The following RHBDF1 variants were observed in gnomAD, a reference collection of about 807,000 sequenced individuals.
RHBDF1 encodes the protein inactive rhomboid protein 1.
Under a neutral mutation model 98.6 loss-of-function variants are expected in RHBDF1, and 80 were observed. The ratio of observed to expected loss-of-function variants is 0.81; its 90% CI spans 0.68 to 0.98. The LOEUF (loss-of-function observed/expected upper bound fraction) is 0.98, where lower values mean the gene tolerates loss of function less well. Ranked by LOEUF, RHBDF1 falls within the 50% of genes least tolerant of loss-of-function variation. RHBDF1 has a pLI of 0.00. For missense variants in RHBDF1, 1,116 were observed against 1,198.3 expected, an observed-to-expected ratio of 0.93 and a Z score of 1.01; for synonymous variants, 512 against 486.8, an observed-to-expected ratio of 1.05 and a Z score of -0.68.
At chr16:64,430 C>T (rs1048523141) in intron 3 of RHBDF1, 1 of 1,448,166 alleles carries the variant, frequency 6.9e-7, no homozygotes, top group African/African-American at 1.4e-5. Flanking sequence ...CCGAAGCGTA[C>T]TTGTCGGCTG....
rs532538588 is a variant in RHBDF1 at position 63,669 on chromosome 16, G to A, written c.380C>T (p.Pro127Leu). The A allele has an allele frequency of 4.0e-5, 64 of 1,612,322 alleles. No individual in the cohort carries two copies. In the South Asian group the frequency reaches 6.8e-4, roughly 17 times the overall value. Residue 127 changes from proline to leucine, a missense_variant, in exon 4 of 18, where the codon CCC (proline) becomes CTC (leucine). Transcript: ENST00000262316. ...GGTCAGCGACACGTTGTCCTGGCTGGGCAGGTCCAGCTCCCGGAGGACCTG... is the reference window on the plus strand; with the variant it reads ...GGTCAGCGACACGTTGTCCTGGCTGAGCAGGTCCAGCTCCCGGAGGACCTG... ...KPQVLRELDL[P>L]SQDNVSLTST...
At position 58,982 on chromosome 16, in the gene RHBDF1, G is replaced by T; in HGVS notation, c.2140C>A (p.Arg714=). ...CTGAGGGCCAGCCTTACCTCTGCTC[G>T]GTATGGCAGGAAGATGGCACTGGCC... The part of the protein sequence containing the change: ...NLASAIFLPY[R]AEVGPAGSQF... The change falls in exon 17 of 18, where the codon CGA becomes AGA. Residue 714 remains arginine (R), a synonymous_variant. Transcript: ENST00000262316. 6.2e-7 allele frequency: 1 copy of T among 1,613,068 alleles called. No individual in the cohort carries two copies. The highest frequency in any genetic ancestry group is 8.5e-7 in the Non-Finnish European group (1 of 1,179,998).
intron 1 of RHBDF1, among the ~76,000 whole-genome samples, chr16:71,571 G>C (rs1046184148): frequency 2.0e-5 from 3 of 152,218 alleles, no homozygotes; most frequent in African/African-American, 7.2e-5. Flanking sequence ...GTCTCCAACA[G>C]GAAGTCCCGT....
intron 4 of RHBDF1, 123 bp from the exon 5 acceptor site, chr16:63,305 C>A: frequency 2.4e-6 from 2 of 839,924 alleles, no homozygotes; most frequent in Non-Finnish European, 1.8e-6. Flanking sequence ...CCCTGGACAG[C>A]TCTATGGCCA....
intron 15 of RHBDF1, 34 bp downstream of exon 15, chr16:59,385 G>T: frequency 6.2e-7 from 1 of 1,612,502 alleles, no homozygotes; most frequent in Non-Finnish European, 8.5e-7. Flanking sequence ...ACAGTAGCTG[G>T]GGGAGGGGAA....
intron 1 of RHBDF1, among the ~76,000 whole-genome samples, chr16:66,710 C>A (rs1453634841): frequency 6.6e-6 from 1 of 152,226 alleles, no homozygotes; most frequent in African/African-American, 2.4e-5. Flanking sequence ...GGGCACTCCC[C>A]AGGCATGGTG....
intron 1 of RHBDF1, among the ~76,000 whole-genome samples, chr16:72,170 G>C (rs1361895008): frequency 2.0e-5 from 3 of 152,226 alleles, no homozygotes; most frequent in Non-Finnish European, 1.5e-5. Context: ...TCCCGCTCCT[G>C]GGACCCTCAG....
Position 59,669 on chromosome 16 carries a change from G to C in RHBDF1, c.1817+63C>G, listed in dbSNP as rs191528328. The C allele has an allele frequency of 5.5e-5, 87 of 1,577,314 alleles. 1 individual carries two copies. In the East Asian group the frequency reaches 1.5e-3, roughly 28 times the overall value. On this transcript the variant is annotated intron_variant, in intron 14 of 17. Transcript: ENST00000262316. ...ATTTCAGGATTTGGTTAGGGAGAAG[G>C]CACACCCTAGGGCGATGCTCTGAGC... is the stretch of plus-strand genomic sequence containing the variant.
chr16:71,135 C>T (rs1244250209), intron 1 of RHBDF1, among the ~76,000 whole-genome samples: 5 of 152,102 alleles, frequency 3.3e-5, no homozygotes, highest in Non-Finnish European at 5.9e-5. Context: ...AAACCAAGAG[C>T]GCACCCTAGA....
chr16:61,120 C>T lies in RHBDF1; in HGVS notation c.1557G>A (p.Ser519=), dbSNP rs1333832555. 4 of 1,525,516 alleles carry T rather than the reference C, an allele frequency of 2.6e-6. No homozygotes were observed. Among genetic ancestry groups the T allele is most frequent in the East Asian group, 2.5e-5 (1 of 40,464 alleles). The allele number at this position is 1,525,516 out of a possible 1,614,324, so 94.5% of individuals were successfully genotyped here. A position where few individuals can be genotyped will look rare whatever the true frequency, so the allele number is the denominator to read the frequency against. Residue 519 remains serine (S), a splice_region_variant and synonymous_variant, in exon 11 of 18, where the codon TCG becomes TCA. Transcript: ENST00000262316. ...GCVQTSEEEC[S]STLAVWVKWP... ...GGGAGTCCCGGGCGGGGAAACGCAC[C>T]GAGCACTCCTCCTCCGAGGTCTGCA...
At chr16:60,184 G>A in intron 13 of RHBDF1, 32 bp downstream of exon 13, 2 of 1,613,652 alleles carry the variant, frequency 1.2e-6, no homozygotes, top group Non-Finnish European at 1.7e-6. Flanking sequence ...TGACACGGAG[G>A]GCTCCCTAAC....
chr16:72,312 G>A (rs1345044407), intron 1 of RHBDF1, among the ~76,000 whole-genome samples: 1 of 152,058 alleles, frequency 6.6e-6, no homozygotes, highest in Non-Finnish European at 1.5e-5. Flanking sequence ...GGGCGACTCG[G>A]GAAACTCCAG....
chr16:59,747 A>G lies in RHBDF1; in HGVS notation c.1802T>C (p.Ile601Thr). 15 of 1,614,094 alleles carry G rather than the reference A, an allele frequency of 9.3e-6. No homozygotes were observed. Among genetic ancestry groups the G allele is most frequent in the Non-Finnish European group, 1.3e-5 (15 of 1,180,016 alleles). Residue 601 changes from isoleucine to threonine, a missense_variant, in exon 14 of 18, where the codon ATT (isoleucine) becomes ACT (threonine). Ile to Thr is a moderately conservative substitution (Grantham distance 89). Transcript: ENST00000262316. ...DCVITGRPCC[I>T]GTKGRCEITS... ...GCACACGTACCTGCCCTTGGTGCCAATGCAGCAGGGCCGTCCTGTGATGAC... is the reference window on the plus strand; with the variant it reads ...GCACACGTACCTGCCCTTGGTGCCAGTGCAGCAGGGCCGTCCTGTGATGAC...
intron 1 of RHBDF1, among the ~76,000 whole-genome samples, chr16:67,495 G>A (rs572082162): frequency 5.9e-5 from 9 of 152,258 alleles, no homozygotes; most frequent in Non-Finnish European, 5.9e-5. Flanking sequence ...CAGCTGATGG[G>A]CTCACACACA....
upstream of RHBDF1, among the ~76,000 whole-genome samples, chr16:75,365 C>T (rs1277914958): frequency 6.6e-6 from 1 of 152,176 alleles, no homozygotes; most frequent in Non-Finnish European, 1.5e-5. Flanking sequence ...CCTCTGCTAC[C>T]CCAGAATCCT....
intron 1 of RHBDF1, among the ~76,000 whole-genome samples, chr16:70,012 G>GT (rs1567119118): frequency 2.7e-5 from 3 of 110,294 alleles, no homozygotes; most frequent in African/African-American, 2.2e-4. Context: ...CTTGGCAGGA[G>GT]GGGGGGGGGC....
chr16:61,542 C>T (rs1217911227), intron 9 of RHBDF1, 43 bp downstream of exon 9: 2 of 1,610,546 alleles, frequency 1.2e-6, no homozygotes, highest in Non-Finnish European at 1.7e-6. Flanking sequence ...GTCCAGTGCC[C>T]GGACTCCACT....
chr16:67,668 G>A (rs891887470), intron 1 of RHBDF1, among the ~76,000 whole-genome samples: 3 of 152,236 alleles, frequency 2.0e-5, no homozygotes, highest in Non-Finnish European at 4.4e-5. Context: ...GGATCCCTGG[G>A]CACAGCACAA....
rs748384700 is a variant in RHBDF1 at position 63,184 on chromosome 16, T to TG, written c.463-3dup. 2.6e-5 allele frequency: 41 copies of TG among 1,565,220 alleles called. No individual in the cohort carries two copies. The South Asian group carries it at 4.8e-4, about 18-fold the overall frequency. On this transcript the variant is annotated splice_region_variant and splice_polypyrimidine_tract_variant and intron_variant, in intron 4 of 17. Coordinates refer to ENST00000262316, the MANE Select transcript of RHBDF1 (RefSeq NM_022450.5). ...GCCACGGGCCAGGGGGTCTATGATC[T>TG]GGAGGAGGGGAGGAGATGCTGGAGT... is the stretch of plus-strand genomic sequence containing the variant.
Sources: gnomAD v4.1 joint callset for allele counts (sites outside exome capture counted in the v4.1 genomes callset) on GRCh38, gnomAD v4.1.1 for gene constraint, MANE v1.5 for transcripts, NCBI Gene and HGNC (gene_info 2026-07-23, HGNC 2026-07-21) for gene names.